The following SEPTIN14 variants were observed in gnomAD, a reference collection of about 807,000 sequenced individuals.
The protein encoded by SEPTIN14 is septin-14.
In SEPTIN14, 40 loss-of-function variants were observed where a neutral mutation model predicts 53.6. That is an observed-to-expected ratio of 0.75 (90% CI 0.58 to 0.97). The LOEUF (loss-of-function observed/expected upper bound fraction) is 0.97. Ranked by LOEUF, SEPTIN14 falls within the 50% of genes least tolerant of loss-of-function variation. The pLI is 0.00. For synonymous variants in SEPTIN14, 138 were observed against 166.8 expected, an observed-to-expected ratio of 0.83 and a Z score of 1.33; for missense variants, 471 against 508.2, an observed-to-expected ratio of 0.93 and a Z score of 0.70.
At chr7:55,813,313 C>T (rs1788737163) in intron 7 of SEPTIN14, among the ~76,000 whole-genome samples, 1 of 152,166 alleles carries the variant, frequency 6.6e-6, no homozygotes, top group Non-Finnish European at 1.5e-5. Context: ...TAGATAGGAA[C>T]TTAAGTTCCA....
intron 5 of SEPTIN14, among the ~76,000 whole-genome samples, chr7:55,837,440 G>T (rs1789232090): frequency 2.0e-5 from 3 of 151,982 alleles, no homozygotes; most frequent in Middle Eastern, 3.4e-3. Context: ...TATGAAAAAT[G>T]ATTTTAGACT....
chr7:55,838,524 C>A, intron 5 of SEPTIN14, among the ~76,000 whole-genome samples: 1 of 97,830 alleles, frequency 1.0e-5, no homozygotes, highest in Non-Finnish European at 1.9e-5. Context: ...CTCCCTCCCT[C>A]CCCCCTCCCT....
intron 2 of SEPTIN14, among the ~76,000 whole-genome samples, chr7:55,851,653 C>T (rs1219024222): frequency 5.3e-5 from 8 of 152,154 alleles, no homozygotes; most frequent in African/African-American, 9.6e-5. Flanking sequence ...TTCATACCAC[C>T]GAAAGCAATC....
At chr7:55,843,439 G>A in intron 4 of SEPTIN14, among the ~76,000 whole-genome samples, 1 of 152,164 alleles carries the variant, frequency 6.6e-6, no homozygotes. Context: ...CCATTAAAAA[G>A]TGGGCAAAGG....
At position 55,851,824 on chromosome 7, in the gene SEPTIN14, C is replaced by T. The variant is rs571825135; in HGVS notation, c.55-5187G>A. Among the ~76,000 whole-genome samples the T allele has an allele frequency of 2.8e-3, 431 of 151,822 alleles. 5 individuals carry two copies. The highest frequency in any genetic ancestry group is 0.01 in the Middle Eastern group (3 of 294). On this transcript the variant is annotated intron_variant, in intron 2 of 9. Coordinates refer to ENST00000388975, the MANE Select transcript of SEPTIN14 (RefSeq NM_207366.3). ...GAGATCAAGACCAACCTGGCTAACA[C>T]GGTGAAACCCTGTCTCTACTAAAAA...
At chr7:55,844,441 T>C in intron 4 of SEPTIN14, 82 bp downstream of exon 4, 1 of 638,622 alleles carries the variant, frequency 1.6e-6, no homozygotes, top group Non-Finnish European at 2.6e-6. Flanking sequence ...AGGTATTACT[T>C]ACACAAATTA....
At position 55,844,575 on chromosome 7, in the gene SEPTIN14, A is replaced by G; in HGVS notation, c.319T>C (p.Leu107=). ...TACCCTACTGTCTCCACAACAGTCA[A>G]TTTCAACTGAACATTGCTTTCCTGA... ...ELQESNVQLK[L]TVVETVGYGD... The change falls in exon 4 of 10, where the codon TTG becomes CTG. Residue 107 remains leucine, a synonymous_variant. Transcript: ENST00000388975. The G allele has an allele frequency of 1.9e-6, 3 of 1,607,256 alleles. No homozygotes were observed. Among genetic ancestry groups the G allele is most frequent in the Non-Finnish European group, 1.7e-6 (2 of 1,175,444 alleles).
chr7:55,803,358 C>A (rs1788554823), intron 9 of SEPTIN14, among the ~76,000 whole-genome samples: 1 of 152,042 alleles, frequency 6.6e-6, no homozygotes, highest in Non-Finnish European at 1.5e-5. Context: ...CACCTCATAT[C>A]TGTTAGAAAA....
chr7:55,854,674 C>T (rs923197083), intron 2 of SEPTIN14, among the ~76,000 whole-genome samples: 1 of 152,068 alleles, frequency 6.6e-6, no homozygotes, highest in South Asian at 2.1e-4. Context: ...GTGATCCGCC[C>T]ACCTCGGCCT....
rs923968537 is a variant in SEPTIN14, at chr7:55,827,010, C to T, written c.720+7415G>A. Among the ~76,000 whole-genome samples the T allele has an allele frequency of 9.2e-5, 14 of 152,146 alleles. 1 individual carries two copies. The highest frequency in any genetic ancestry group is 8.5e-4 in the Admixed American group (13 of 15,266). On this transcript the variant is annotated intron_variant, in intron 6 of 9. Coordinates refer to ENST00000388975, the MANE Select transcript of SEPTIN14 (RefSeq NM_207366.3). ...GGGGCCAGCCTGCCCCTCTCTATCA[C>T]AGCCAGCACCTGAACCCTGGGTACC...
At chr7:55,846,435 C>A in intron 3 of SEPTIN14, 82 bp downstream of exon 3, 1 of 926,500 alleles carries the variant, frequency 1.1e-6, no homozygotes, top group Non-Finnish European at 1.6e-6. Flanking sequence ...TTAATAGCAT[C>A]AATGTTACAC....
At chr7:55,799,560 T>C (rs1015919199) in intron 9 of SEPTIN14, among the ~76,000 whole-genome samples, 2 of 147,902 alleles carry the variant, frequency 1.4e-5, no homozygotes, top group Non-Finnish European at 3.0e-5. Context: ...GAAAAAGATA[T>C]TCCATGCAAA....
intron 8 of SEPTIN14, among the ~76,000 whole-genome samples, chr7:55,806,625 G>A (rs1191458426): frequency 6.6e-6 from 1 of 151,226 alleles, no homozygotes; most frequent in Non-Finnish European, 1.5e-5. Flanking sequence ...ACCATGCCCG[G>A]CTACTTTTTG....
intron 8 of SEPTIN14, among the ~76,000 whole-genome samples, chr7:55,805,603 A>G (rs574811099): frequency 6.6e-6 from 1 of 152,348 alleles, no homozygotes; most frequent in East Asian, 1.9e-4. Flanking sequence ...GTTACATCCT[A>G]TATAAGGAAA....
rs139557193 is a variant in SEPTIN14, at chr7:55,852,203, G to A, written c.55-5566C>T. ...GAAAAAATAATCCTAAAATTTATAC[G>A]TACCCACAAAAGACACAGAATATTC... On this transcript the variant is annotated intron_variant, in intron 2 of 9. Coordinates refer to ENST00000388975, the MANE Select transcript of SEPTIN14 (RefSeq NM_207366.3). Among the ~76,000 whole-genome samples the A allele has an allele frequency of 2.8e-3, 425 of 151,320 alleles. 6 individuals carry two copies. The highest frequency in any genetic ancestry group is 0.01 in the Middle Eastern group (3 of 290).
chr7:55,821,491 T>A (rs2116000458), intron 6 of SEPTIN14, among the ~76,000 whole-genome samples: 1 of 152,254 alleles, frequency 6.6e-6, no homozygotes, highest in Non-Finnish European at 1.5e-5. Flanking sequence ...GGGACCTGAA[T>A]AGCCAAAAAA....
At chr7:55,851,118 A>G (rs1789509316) in intron 2 of SEPTIN14, among the ~76,000 whole-genome samples, 1 of 152,160 alleles carries the variant, frequency 6.6e-6, no homozygotes, top group Non-Finnish European at 1.5e-5. Flanking sequence ...GCTTTTTTCT[A>G]CTAAAATTCT....
At chr7:55,840,194 A>T (rs1297138774) in intron 5 of SEPTIN14, among the ~76,000 whole-genome samples, 1 of 148,212 alleles carries the variant, frequency 6.7e-6, no homozygotes, top group Non-Finnish European at 1.5e-5. Flanking sequence ...CCTTATAAGA[A>T]GATAAAATGT....
intron 2 of SEPTIN14, among the ~76,000 whole-genome samples, chr7:55,853,787 A>G (rs924805536): frequency 3.9e-5 from 6 of 152,182 alleles, no homozygotes; most frequent in Admixed American, 2.0e-4. Context: ...CATATGCCCC[A>G]TAAATATATA....
Sources: allele counts gnomAD v4.1 joint callset (sites outside exome capture counted in the v4.1 genomes callset), GRCh38; gene constraint gnomAD v4.1.1; transcripts MANE v1.5; gene names NCBI Gene and HGNC (gene_info 2026-07-23, HGNC 2026-07-21).